Variants in DAB1 observed in about 807,000 individuals in gnomAD.
The protein encoded by DAB1 is disabled homolog 1.
In DAB1, 15 loss-of-function variants were observed where a neutral mutation model predicts 64.6. The ratio of observed to expected loss-of-function variants is 0.23; its 90% CI spans 0.16 to 0.36. DAB1 has a LOEUF of 0.36. Among genes scored for constraint, DAB1 ranks in the 10% least tolerant of loss-of-function variants. The probability of loss-of-function intolerance (pLI) is 1.00; values close to 1 mark genes in which losing one functional copy is unlikely to be tolerated. For missense variants in DAB1, 596 were observed against 706.7 expected (o/e 0.84, Z 1.78); for synonymous variants, 235 against 251.9 (o/e 0.93, Z 0.64).
At chr1:58,437,240 A>C (rs1220610901) in intron 3 of DAB1, among the ~76,000 whole-genome samples, 1 of 152,198 alleles carries the variant, frequency 6.6e-6, no homozygotes, top group Non-Finnish European at 1.5e-5. Context: ...GGGTCTTGGG[A>C]GAGGCCTGGG....
chr1:57,453,146 G>A (rs1455660165), intron 7 of DAB1, among the ~76,000 whole-genome samples: 1 of 151,880 alleles, frequency 6.6e-6, no homozygotes, highest in African/African-American at 2.4e-5. Flanking sequence ...CTTATTGTCT[G>A]AGAGATGAAA....
chr1:57,481,356 C>T (rs936276493), intron 7 of DAB1, among the ~76,000 whole-genome samples: 6 of 152,122 alleles, frequency 3.9e-5, no homozygotes, highest in African/African-American at 1.4e-4. Flanking sequence ...CCCCCAACAC[C>T]TCTCTCATTC....
Position 57,063,769 on chromosome 1 carries a change from T to C in DAB1, c.664-826A>G, listed in dbSNP as rs78972713. Among the ~76,000 whole-genome samples the C allele has an allele frequency of 1.8e-4, 27 of 152,336 alleles. No homozygotes were observed. In the East Asian group the frequency reaches 4.6e-3, roughly 26 times the overall value. Reference sequence around the variant, plus strand: ...ATTACTTTAGTTACTGACACATCATTTAAATATATACGAACACATCTTATG... The same window carrying C: ...ATTACTTTAGTTACTGACACATCATCTAAATATATACGAACACATCTTATG... On this transcript the variant is annotated intron_variant, in intron 8 of 14. Coordinates refer to ENST00000371236, the MANE Select transcript of DAB1 (RefSeq NM_001365792.1).
intron 1 of DAB1, among the ~76,000 whole-genome samples, chr1:57,879,160 C>A (rs1283111775): frequency 6.6e-6 from 1 of 152,124 alleles, no homozygotes; most frequent in East Asian, 1.9e-4. Flanking sequence ...TCATCTATGT[C>A]ATTTTTGTCC....
chr1:57,277,979 C>T (rs774271033), intron 2 of DAB1, among the ~76,000 whole-genome samples: 3 of 152,076 alleles, frequency 2.0e-5, no homozygotes, highest in Admixed American at 1.3e-4. Context: ...GATGATAGTC[C>T]CAAATTTAAG....
In DAB1 at chr1:57,417,858, C is replaced by G. The variant is rs544031677; in HGVS notation, c.-137+6072G>C. On this transcript the variant is annotated intron_variant, in intron 1 of 14. Coordinates refer to ENST00000371236, the MANE Select transcript of DAB1 (RefSeq NM_001365792.1). The stretch of plus-strand genomic sequence containing the variant: ...AGTCAATAACCATCCTTCATGCTTG[C>G]ATGACTTTGTCCATGAAGTCCTATC... Among the ~76,000 whole-genome samples the G allele has an allele frequency of 3.3e-5, 5 of 152,284 alleles. No homozygotes were observed. The South Asian group carries it at 1.0e-3, about 32-fold the overall frequency.
At chr1:58,406,579 C>T (rs1403481191) in intron 3 of DAB1, among the ~76,000 whole-genome samples, 2 of 152,182 alleles carry the variant, frequency 1.3e-5, no homozygotes, top group Admixed American at 6.5e-5. Context: ...GAAATACATG[C>T]CACAGACAAC....
chr1:57,576,945 C>G (rs1371183689), intron 7 of DAB1, among the ~76,000 whole-genome samples: 2 of 152,162 alleles, frequency 1.3e-5, no homozygotes, highest in Non-Finnish European at 2.9e-5. Flanking sequence ...TGGCTGCTTC[C>G]CAGCTCACCT....
intron 9 of DAB1, among the ~76,000 whole-genome samples, chr1:57,034,322 C>G (rs889883443): frequency 2.4e-4 from 36 of 150,966 alleles, no homozygotes; most frequent in African/African-American, 7.8e-4. Context: ...TCTGCAAGCT[C>G]AGTGCTCCCC....
chr1:58,403,451 C>G (rs545521357), intron 3 of DAB1, among the ~76,000 whole-genome samples: 2 of 152,276 alleles, frequency 1.3e-5, no homozygotes, highest in Non-Finnish European at 2.9e-5. Context: ...GTCCCAGTAT[C>G]ATTGAGAACC....
At chr1:58,083,764 C>T (rs1650140227) in intron 5 of DAB1, among the ~76,000 whole-genome samples, 1 of 152,146 alleles carries the variant, frequency 6.6e-6, no homozygotes, top group Non-Finnish European at 1.5e-5. Context: ...ATACAAAATA[C>T]AATGATAGGT....
At chr1:58,478,748 A>G (rs1569855560) in intron 3 of DAB1, among the ~76,000 whole-genome samples, 1 of 152,184 alleles carries the variant, frequency 6.6e-6, no homozygotes, top group South Asian at 2.1e-4. Context: ...GTCTCACCCT[A>G]TCTGAATTAT....
intron 2 of DAB1, among the ~76,000 whole-genome samples, chr1:57,196,956 G>C (rs1664671970): frequency 6.6e-6 from 1 of 152,036 alleles, no homozygotes; most frequent in Admixed American, 6.6e-5. Context: ...GCACTTTGTG[G>C]GTCCATTTGA....
intron 6 of DAB1, among the ~76,000 whole-genome samples, chr1:57,800,638 G>C (rs1393229881): frequency 6.6e-6 from 1 of 152,116 alleles, no homozygotes; most frequent in African/African-American, 2.4e-5. Flanking sequence ...AAGGTAATTG[G>C]GATTTAAGTT....
intron 4 of DAB1, among the ~76,000 whole-genome samples, chr1:57,136,212 C>A (rs997474202): frequency 1.3e-5 from 2 of 152,174 alleles, no homozygotes; most frequent in African/African-American, 4.8e-5. Context: ...CCCTCTAGGA[C>A]GTATGTCATT....
chr1:57,910,596 T>C (rs1292888960), intron 5 of DAB1, among the ~76,000 whole-genome samples: 7 of 152,228 alleles, frequency 4.6e-5, no homozygotes, highest in Non-Finnish European at 1.0e-4. Context: ...GGGAAGTTTT[T>C]AGACAGGAGC....
chr1:57,815,944 T>G (rs1342711247), intron 6 of DAB1, among the ~76,000 whole-genome samples: 7 of 152,192 alleles, frequency 4.6e-5, no homozygotes. Context: ...TAGTAGCTGT[T>G]CAATAAATAT....
At chr1:58,213,766 A>G (rs1219339652) in intron 4 of DAB1, among the ~76,000 whole-genome samples, 21 of 152,084 alleles carry the variant, frequency 1.4e-4, no homozygotes, top group Admixed American at 1.3e-3. Flanking sequence ...GTAGTCTACC[A>G]CTTTGTGCTT....
intron 2 of DAB1, among the ~76,000 whole-genome samples, chr1:57,251,707 TG>T (rs1669356162): frequency 6.6e-6 from 1 of 152,230 alleles, no homozygotes; most frequent in African/African-American, 2.4e-5. Flanking sequence ...ACTTGCTTAT[TG>T]AAATAGAAGG....
Sources: allele counts gnomAD v4.1 joint callset (sites outside exome capture counted in the v4.1 genomes callset), GRCh38; gene constraint gnomAD v4.1.1; transcripts MANE v1.5; gene names NCBI Gene and HGNC (gene_info 2026-07-23, HGNC 2026-07-21).